The following R3HCC1L variants were observed in gnomAD, a reference collection of about 807,000 sequenced individuals.
R3HCC1L encodes the protein coiled-coil domain-containing protein R3HCC1L.
In R3HCC1L, 51 loss-of-function variants were observed where a neutral mutation model predicts 59.9. The ratio of observed to expected loss-of-function variants is 0.85; its 90% CI spans 0.68 to 1.07. R3HCC1L has a LOEUF of 1.07. Ranked by LOEUF, R3HCC1L falls within the 50% of genes least tolerant of loss-of-function variation. The pLI, the probability that R3HCC1L is intolerant of heterozygous loss-of-function variation, is 0.00. For synonymous variants in R3HCC1L, 322 were observed against 315.2 expected (o/e 1.02, Z -0.23); for missense variants, 965 against 933.0 (o/e 1.03, Z -0.45).
intron 4 of R3HCC1L, among the ~76,000 whole-genome samples, chr10:98,168,650 A>G (rs972481575): frequency 1.3e-5 from 2 of 152,244 alleles, no homozygotes; most frequent in Non-Finnish European, 2.9e-5. Context: ...CAGTAAATAT[A>G]AATGTCCAAG....
chr10:98,203,653 T>C (rs1329609047), intron 4 of R3HCC1L, among the ~76,000 whole-genome samples: 2 of 152,220 alleles, frequency 1.3e-5, no homozygotes, highest in Non-Finnish European at 2.9e-5. Context: ...CCATATGTTT[T>C]AGATACCAAA....
chr10:98,212,934 C>T (rs1329330726), intron 5 of R3HCC1L, among the ~76,000 whole-genome samples: 1 of 152,062 alleles, frequency 6.6e-6, no homozygotes, highest in African/African-American at 2.4e-5. Context: ...ATTATACCAC[C>T]ATATTCTATA....
intron 4 of R3HCC1L, among the ~76,000 whole-genome samples, chr10:98,177,513 T>C (rs569930634): frequency 3.9e-5 from 6 of 152,306 alleles, no homozygotes; most frequent in South Asian, 4.1e-4. Context: ...GTCTTTATAG[T>C]AGCATGATTT....
intron 1 of R3HCC1L, among the ~76,000 whole-genome samples, chr10:98,134,971 G>T (rs376942965): frequency 8.5e-5 from 13 of 152,144 alleles, no homozygotes; most frequent in Admixed American, 6.5e-4. Context: ...CGCTTTGGGC[G>T]CTCGCCCCAA....
intron 5 of R3HCC1L, among the ~76,000 whole-genome samples, chr10:98,220,713 A>C (rs1345302242): frequency 4.0e-5 from 6 of 151,382 alleles, no homozygotes; most frequent in Non-Finnish European, 8.8e-5. Flanking sequence ...TGAACTCATC[A>C]TTTTTTATGG....
In R3HCC1L at chr10:98,208,818, T is replaced by C. The variant is rs779413088; in HGVS notation, c.704T>C (p.Val235Ala). The change falls in exon 5 of 10, where the codon GTA (valine) becomes GCA (alanine). Residue 235 changes from valine (V) to alanine (A), a missense_variant. Physicochemically the swap from Val to Ala is moderately conservative, Grantham distance 64. Coordinates refer to ENST00000298999, the MANE Select transcript of R3HCC1L (RefSeq NM_001351015.2). ...SSVMKPENMI[V>A]PIKLSSDSEI... ...GTCATGAAACCTGAGAATATGATTGTACCAATAAAACTAAGCTCTGATTCT... is the reference window on the plus strand; with the variant it reads ...GTCATGAAACCTGAGAATATGATTGCACCAATAAAACTAAGCTCTGATTCT... 3 of 1,613,936 alleles carry C rather than the reference T, an allele frequency of 1.9e-6. No individual in the cohort carries two copies.
chr10:98,231,528 A>T lies in R3HCC1L; in HGVS notation c.1802A>T (p.Lys601Met). The change falls in exon 6 of 10, where the codon AAG becomes ATG. Residue 601 changes from lysine (K) to methionine (M), a missense_variant. Physicochemically the swap from Lys to Met is moderately conservative, Grantham distance 95. Coordinates refer to ENST00000298999, the MANE Select transcript of R3HCC1L (RefSeq NM_001351015.2). ...RLLQELSGNT[K>M]SRESIQEPRS... ...CCTTTCTAGTTATCAGGGAATACCA[A>T]GAGCAGAGAGAGCATCCAGGAACCT... 6.2e-7 allele frequency: 1 copy of T among 1,612,440 alleles called. No individual in the cohort carries two copies. The highest frequency in any genetic ancestry group is 2.2e-5 in the East Asian group (1 of 44,818).
chr10:98,160,656 G>C (rs1050083957), intron 2 of R3HCC1L, among the ~76,000 whole-genome samples: 1 of 152,036 alleles, frequency 6.6e-6, no homozygotes, highest in African/African-American at 2.4e-5. Context: ...TTTGTATTCT[G>C]TCTTTTTCAC....
In R3HCC1L at chr10:98,214,151, A is replaced by G. The variant is rs75332169; in HGVS notation, c.1785+4252A>G. ...AACATTTTTTCCTCAGAATCAGTAT[A>G]GAAGCCAGCAGCATTTTAATTTCTG... On this transcript the variant is annotated intron_variant, in intron 5 of 9. Coordinates refer to ENST00000298999, the MANE Select transcript of R3HCC1L (RefSeq NM_001351015.2). 7.2e-3 allele frequency among the ~76,000 whole-genome samples: 1,099 copies of G among 152,310 alleles called. 17 individuals are homozygous for G. The highest frequency in any genetic ancestry group is 0.024 in the African/African-American group (1,010 of 41,566).
chr10:98,168,386 G>A (rs1458601936), intron 4 of R3HCC1L, among the ~76,000 whole-genome samples: 10 of 152,164 alleles, frequency 6.6e-5, no homozygotes, highest in Admixed American at 5.2e-4. Flanking sequence ...CCTATAAAGC[G>A]TGAAATCAGT....
intron 1 of R3HCC1L, among the ~76,000 whole-genome samples, chr10:98,155,647 A>G (rs1846778585): frequency 6.6e-6 from 1 of 152,140 alleles, no homozygotes; most frequent in African/African-American, 2.4e-5. Context: ...TTTATAACAA[A>G]ATATAGTGAG....
intron 9 of R3HCC1L, among the ~76,000 whole-genome samples, chr10:98,240,299 C>G (rs758321472): frequency 2.1e-4 from 32 of 152,008 alleles, no homozygotes; most frequent in Non-Finnish European, 4.3e-4. Flanking sequence ...GAGCAAGACT[C>G]CATCTCAAAA....
intron 1 of R3HCC1L, among the ~76,000 whole-genome samples, chr10:98,155,420 A>G (rs950269150): frequency 2.9e-4 from 44 of 152,132 alleles, no homozygotes; most frequent in African/African-American, 1.1e-3. Flanking sequence ...CACTATTAGA[A>G]ATATAAAGAT....
intron 4 of R3HCC1L, among the ~76,000 whole-genome samples, chr10:98,173,679 A>T (rs761473811): frequency 6.6e-6 from 1 of 152,114 alleles, no homozygotes; most frequent in Non-Finnish European, 1.5e-5. Context: ...GTGGGCAGTG[A>T]TTAATCACAG....
chr10:98,209,407 G>T lies in R3HCC1L; in HGVS notation c.1293G>T (p.Gly431=). ...DATPLHVARS[G]NDTEDFSNPS... is the part of the protein sequence containing the mutation. ...CCCCTCTTCATGTAGCTAGAAGTGG[G>T]AATGACACTGAAGATTTCAGCAACC... The change falls in exon 5 of 10, where the codon GGG becomes GGT. Residue 431 remains glycine, a synonymous_variant. Coordinates refer to ENST00000298999, the MANE Select transcript of R3HCC1L (RefSeq NM_001351015.2). The T allele has an allele frequency of 6.2e-7, 1 of 1,613,674 alleles. No individual in the cohort carries two copies.
At chr10:98,163,745 A>T (rs1402470654) in intron 4 of R3HCC1L, among the ~76,000 whole-genome samples, 1 of 152,198 alleles carries the variant, frequency 6.6e-6, no homozygotes, top group Non-Finnish European at 1.5e-5. Context: ...CCTGTAATTC[A>T]TATAGTGAGC....
chr10:98,148,147 G>A (rs1394095802), intron 1 of R3HCC1L, among the ~76,000 whole-genome samples: 5 of 151,882 alleles, frequency 3.3e-5, no homozygotes, highest in Admixed American at 1.3e-4. Context: ...TTGATTCTTT[G>A]TAGCTATTGC....
intron 5 of R3HCC1L, among the ~76,000 whole-genome samples, chr10:98,223,663 T>C (rs1416014645): frequency 6.6e-6 from 1 of 151,628 alleles, no homozygotes; most frequent in Non-Finnish European, 1.5e-5. Flanking sequence ...TGTCTGTGAG[T>C]TTTTCAATGG....
chr10:98,228,982 T>C (rs1487332693), intron 5 of R3HCC1L, among the ~76,000 whole-genome samples: 1 of 152,216 alleles, frequency 6.6e-6, no homozygotes, highest in Non-Finnish European at 1.5e-5. Context: ...TTTTGGTTAC[T>C]GTAGCCTTGT....
Sources: gnomAD v4.1 joint callset for allele counts (sites outside exome capture counted in the v4.1 genomes callset) on GRCh38, gnomAD v4.1.1 for gene constraint, MANE v1.5 for transcripts, NCBI Gene and HGNC (gene_info 2026-07-23, HGNC 2026-07-21) for gene names.